The following DTD1 variants were observed in gnomAD, a reference collection of about 807,000 sequenced individuals.
The protein encoded by DTD1 is D-tyrosyl-tRNA deacylase 1 homolog.
DTD1 carries 13 observed loss-of-function variants against 25.6 expected under a neutral mutation model. The ratio of observed to expected loss-of-function variants is 0.51; its 90% CI spans 0.33 to 0.81. The LOEUF is 0.81. Ranked by LOEUF, DTD1 falls within the 30% of genes least tolerant of loss-of-function variation. The probability of loss-of-function intolerance (pLI) is 0.02; values close to 1 mark genes in which losing one functional copy is unlikely to be tolerated. For synonymous variants in DTD1, 110 were observed against 103.6 expected, an observed-to-expected ratio of 1.06 and a Z score of -0.37; for missense variants, 193 against 266.4, an observed-to-expected ratio of 0.72 and a Z score of 1.92.
At position 18,632,692 on chromosome 20, in the gene DTD1, G is replaced by T. The variant is rs998601850; in HGVS notation, c.477+4459G>T. On this transcript the variant is annotated intron_variant, in intron 4 of 5. Transcript: ENST00000377452. ...AATGGTTCTTTTGGCAAATTTCAAC[G>T]TTATAGAAAAATGATTCTTTTAGCA... 1.1e-5 allele frequency: 11 copies of T among 970,132 alleles called. No individual in the cohort carries two copies. In the African/African-American group the frequency reaches 1.8e-4, roughly 15 times the overall value. The allele number at this position is 970,132 out of a possible 1,614,324, so 60.1% of individuals were successfully genotyped here.
intron 4 of DTD1, among the ~76,000 whole-genome samples, chr20:18,701,953 A>G (rs183260425): frequency 3.1e-4 from 47 of 152,358 alleles, no homozygotes; most frequent in African/African-American, 8.7e-4. Flanking sequence ...CATTTTGCTT[A>G]GAGCTAATAT....
At chr20:18,659,337 G>A (rs1030684976) in intron 4 of DTD1, among the ~76,000 whole-genome samples, 1 of 152,102 alleles carries the variant, frequency 6.6e-6, no homozygotes, top group Non-Finnish European at 1.5e-5. Flanking sequence ...ACCTGTGGAA[G>A]GGGACTCTCC....
In DTD1 at chr20:18,724,298, TG is replaced by T. The variant is rs142546142; in HGVS notation, c.478-19799del. Among the ~76,000 whole-genome samples the T allele has an allele frequency of 3.2e-3, 480 of 152,322 alleles. 4 individuals are homozygous for T. Among genetic ancestry groups the T allele is most frequent in the African/African-American group, 0.011 (466 of 41,576 alleles). On this transcript the variant is annotated intron_variant, in intron 4 of 5. Coordinates refer to ENST00000377452, the MANE Select transcript of DTD1 (RefSeq NM_080820.6). Reference sequence around the variant, plus strand: ...GGGGCAGCGTGGGCAGGTAGGCACATGGGTACCTCCCACTGTGGTGTGTGGG... The same window carrying T: ...GGGGCAGCGTGGGCAGGTAGGCACATGGTACCTCCCACTGTGGTGTGTGGG...
chr20:18,606,037 G>C (rs1359755905), intron 3 of DTD1, among the ~76,000 whole-genome samples: 2 of 142,634 alleles, frequency 1.4e-5, no homozygotes, highest in African/African-American at 5.2e-5. Context: ...ATCTGACAAA[G>C]GGCTAATATC....
At chr20:18,594,614 G>A (rs897334894) in intron 2 of DTD1, among the ~76,000 whole-genome samples, 4 of 152,208 alleles carry the variant, frequency 2.6e-5, no homozygotes, top group Non-Finnish European at 5.9e-5. Context: ...GGTGCTCAGA[G>A]CTTGGGTATA....
intron 4 of DTD1, chr20:18,643,444 G>C (rs1166298224): frequency 4.6e-6 from 1 of 216,612 alleles, no homozygotes; most frequent in African/African-American, 2.3e-5. Context: ...AACCAAATCT[G>C]GATTCTGGGT....
Position 18,708,368 on chromosome 20 carries a change from T to A in DTD1, c.478-35732T>A, listed in dbSNP as rs1241734403. 2.1e-4 allele frequency among the ~76,000 whole-genome samples: 25 copies of A among 117,742 alleles called. No individual in the cohort carries two copies. In the South Asian group the frequency reaches 4.9e-3, roughly 23 times the overall value. The allele number at this position is 117,742 out of a possible 152,430, so 77.2% of individuals were successfully genotyped here. On this transcript the variant is annotated intron_variant, in intron 4 of 5. Transcript: ENST00000377452. Reference sequence around the variant, plus strand: ...ATATTATATATCTATATATATATTTTTTTTTGATACAAAGTCTCACTCTGT... The same window carrying A: ...ATATTATATATCTATATATATATTTATTTTTGATACAAAGTCTCACTCTGT...
chr20:18,707,186 A>G (rs2061130026), intron 4 of DTD1, among the ~76,000 whole-genome samples: 1 of 152,238 alleles, frequency 6.6e-6, no homozygotes, highest in Non-Finnish European at 1.5e-5. Context: ...TCCCTTAGAC[A>G]TGGTCAGGAT....
intron 4 of DTD1, among the ~76,000 whole-genome samples, chr20:18,669,951 T>C (rs2060945773): frequency 1.3e-5 from 2 of 152,210 alleles, no homozygotes; most frequent in South Asian, 4.1e-4. Context: ...ACTGCTTCCC[T>C]GTAGGGATTG....
chr20:18,606,442 G>T (rs1451596322), intron 3 of DTD1, among the ~76,000 whole-genome samples: 1 of 133,496 alleles, frequency 7.5e-6, no homozygotes, highest in Non-Finnish European at 1.6e-5. Context: ...ATACCCAAAG[G>T]ACTATAAATC....
chr20:18,629,462 G>A (rs897583465), intron 4 of DTD1, among the ~76,000 whole-genome samples: 1 of 151,516 alleles, frequency 6.6e-6, no homozygotes, highest in Non-Finnish European at 1.5e-5. Flanking sequence ...TACCATGCTG[G>A]GCTAATTTTT....
At chr20:18,694,287 C>A (rs572742113) in intron 4 of DTD1, among the ~76,000 whole-genome samples, 128 of 152,248 alleles carry the variant, frequency 8.4e-4, no homozygotes, top group African/African-American at 2.9e-3. Context: ...GGAGTAAGAT[C>A]CTATTCCCTC....
chr20:18,641,520 T>TG (rs1344203843), intron 4 of DTD1, among the ~76,000 whole-genome samples: 8 of 151,534 alleles, frequency 5.3e-5, no homozygotes, highest in Non-Finnish European at 4.4e-5. Flanking sequence ...TGTATGTGTG[T>TG]TTGTGTGTGT....
In DTD1 at chr20:18,766,417, T is replaced by C. The variant is rs976323751; in HGVS notation, c.*3077T>C. ...TCATCTCAGAAGACATGGAATAATATCAAAAGTAAAGCCACCCACTGGCTG... is the reference window on the plus strand; with the variant it reads ...TCATCTCAGAAGACATGGAATAATACCAAAAGTAAAGCCACCCACTGGCTG... On this transcript the variant is annotated 3_prime_UTR_variant, in exon 6 of 6. Transcript: ENST00000377452. 1 of 151,918 alleles carries C rather than the reference T, an allele frequency of 6.6e-6. No individual in the cohort carries two copies. The highest frequency in any genetic ancestry group is 1.5e-5 in the Non-Finnish European group (1 of 67,988). 9.4% of individuals were successfully genotyped at this position (151,918 alleles called of 1,614,324 possible). A position where few individuals can be genotyped will look rare whatever the true frequency, so the allele number is the denominator to read the frequency against.
rs1450404445 is a variant in DTD1 at position 18,606,460 on chromosome 20, T to C, written c.370+10219T>C. ...CCCAAAGGACTATAAATCATGCTGC[T>C]ATAAAGACACATGCACACGTATGTT... On this transcript the variant is annotated intron_variant, in intron 3 of 5. Coordinates refer to ENST00000377452, the MANE Select transcript of DTD1 (RefSeq NM_080820.6). Among the ~76,000 whole-genome samples the C allele has an allele frequency of 3.2e-3, 410 of 128,454 alleles. 4 individuals are homozygous for C. The highest frequency in any genetic ancestry group is 0.012 in the African/African-American group (390 of 33,904). 84.3% of individuals were successfully genotyped at this position (128,454 alleles called of 152,430 possible).
At position 18,744,281 on chromosome 20, in the gene DTD1, T is replaced by A; in HGVS notation, c.*19+10T>A. 2 of 1,608,836 alleles carry A rather than the reference T, an allele frequency of 1.2e-6. No individual in the cohort carries two copies. Among genetic ancestry groups the A allele is most frequent in the African/African-American group, 1.3e-5 (1 of 74,738 alleles). On this transcript the variant is annotated intron_variant, in intron 5 of 5. Transcript: ENST00000377452. Reference sequence around the variant, plus strand: ...AGGAGGCAGAATTCAGGTAGGAGTTTCCCTGCTTGGCTTCATCTTCCCACA... The same window carrying A: ...AGGAGGCAGAATTCAGGTAGGAGTTACCCTGCTTGGCTTCATCTTCCCACA...
At chr20:18,739,942 A>AT (rs11482016) in intron 4 of DTD1, among the ~76,000 whole-genome samples, 47,622 of 151,958 alleles carry the variant, frequency 0.31, 7,989 homozygotes, top group Non-Finnish European at 0.38. Flanking sequence ...GAGAGTCAGC[A>AT]TTACATCACT....
chr20:18,718,626 T>G (rs1173422848), intron 4 of DTD1, among the ~76,000 whole-genome samples: 1 of 152,242 alleles, frequency 6.6e-6, no homozygotes, highest in East Asian at 1.9e-4. Context: ...ATGAATTTGC[T>G]GCTTTTTGAC....
intron 1 of DTD1, chr20:18,588,624 C>A (rs984182598): frequency 1.9e-6 from 1 of 536,950 alleles, no homozygotes; most frequent in Non-Finnish European, 2.4e-6. Flanking sequence ...TTGGGCTGAG[C>A]TTTGACAGTT....
Sources: allele counts gnomAD v4.1 joint callset (sites outside exome capture counted in the v4.1 genomes callset), GRCh38; gene constraint gnomAD v4.1.1; transcripts MANE v1.5; gene names NCBI Gene and HGNC (gene_info 2026-07-23, HGNC 2026-07-21).